The following RAD51C variants were observed in gnomAD, a reference collection of about 807,000 sequenced individuals.
The protein encoded by RAD51C is RAD51 paralog C.
RAD51C carries 42 observed loss-of-function variants against 45.0 expected under a neutral mutation model. The ratio of observed to expected loss-of-function variants is 0.93; its 90% CI spans 0.73 to 1.21. RAD51C has a LOEUF of 1.21. RAD51C is among the 50% of genes most tolerant of loss of function. The pLI, the probability that RAD51C is intolerant of heterozygous loss-of-function variation, is 0.00. For missense variants in RAD51C, 474 were observed against 452.2 expected, an observed-to-expected ratio of 1.05 and a Z score of -0.44; for synonymous variants, 172 against 159.8, an observed-to-expected ratio of 1.08 and a Z score of -0.58.
rs762060755 is a variant in RAD51C, at chr17:58,692,689, A to G, written c.46A>G (p.Ser16Gly). Residue 16 changes from serine to glycine, a missense_variant, in exon 1 of 9, where the codon AGT becomes GGT. Coordinates refer to ENST00000337432, the MANE Select transcript of RAD51C (RefSeq NM_058216.3). ...FRFEMQRDLV[S>G]FPLSPAVRVK... ...CTTTGAAATGCAGCGGGATTTGGTGAGTTTCCCGCTGTCTCCAGCGGTGCG... is the reference window on the plus strand; with the variant it reads ...CTTTGAAATGCAGCGGGATTTGGTGGGTTTCCCGCTGTCTCCAGCGGTGCG... 8.1e-6 allele frequency: 13 copies of G among 1,614,102 alleles called. No homozygotes were observed. Among genetic ancestry groups the G allele is most frequent in the Non-Finnish European group, 8.5e-6 (10 of 1,180,056 alleles).
intron 5 of RAD51C, among the ~76,000 whole-genome samples, chr17:58,711,518 T>C (rs1457587530): frequency 6.6e-6 from 1 of 152,140 alleles, no homozygotes; most frequent in Non-Finnish European, 1.5e-5. Flanking sequence ...TGAAGTGCAG[T>C]GGTACAATCA....
chr17:58,703,243 CAT>C lies in RAD51C; in HGVS notation c.622_623del (p.Ile208LeufsTer7), dbSNP rs876659497. Reference sequence around the variant, plus strand: ...TTTCACTCTTGATAATATTCTTTCTCATATTTATTATTTTCGCTGTCGTGACT... The same window carrying C: ...TTTCACTCTTGATAATATTCTTTCTCATTTATTATTTTCGCTGTCGTGACT... ...EDFTLDNILS[H>X]IYYFRCRDYT... is the part of the protein sequence containing the mutation. On this transcript the variant is annotated frameshift_variant, in exon 4 of 9. Coordinates refer to ENST00000337432, the MANE Select transcript of RAD51C (RefSeq NM_058216.3). LOFTEE classifies it high-confidence loss of function. 6.2e-7 allele frequency: 1 copy of C among 1,608,074 alleles called. No homozygotes were observed. The highest frequency in any genetic ancestry group is 1.1e-5 in the South Asian group (1 of 90,936).
At chr17:58,710,108 G>A in intron 5 of RAD51C, 118 bp downstream of exon 5, 2 of 1,174,676 alleles carry the variant, frequency 1.7e-6, no homozygotes, top group South Asian at 1.3e-5. Context: ...GCAGTTTTGA[G>A]TAAAGTTACG....
chr17:58,711,853 T>C (rs1465467264), intron 5 of RAD51C, among the ~76,000 whole-genome samples: 2 of 151,718 alleles, frequency 1.3e-5, no homozygotes, highest in Non-Finnish European at 2.9e-5. Flanking sequence ...TGCTTGAAGG[T>C]TTTTTTTCCC....
intron 7 of RAD51C, among the ~76,000 whole-genome samples, chr17:58,731,121 T>C (rs967110278): frequency 6.6e-6 from 1 of 152,250 alleles, no homozygotes; most frequent in Non-Finnish European, 1.5e-5. Context: ...ATTTTCTTCC[T>C]TAAGTCTGCA....
intron 5 of RAD51C, among the ~76,000 whole-genome samples, chr17:58,719,257 G>T (rs541518320): frequency 1.3e-5 from 2 of 152,030 alleles, no homozygotes; most frequent in African/African-American, 2.4e-5. Context: ...TTGGTCATCA[G>T]GCTGGGGTAC....
intron 5 of RAD51C, among the ~76,000 whole-genome samples, chr17:58,712,450 CAG>C (rs1424682086): frequency 2.6e-5 from 4 of 151,636 alleles, no homozygotes; most frequent in Non-Finnish European, 5.9e-5. Flanking sequence ...ATTCATTACT[CAG>C]AGATTGTGTA....
intron 7 of RAD51C, among the ~76,000 whole-genome samples, chr17:58,732,026 A>G (rs755230462): frequency 2.0e-5 from 3 of 152,192 alleles, no homozygotes; most frequent in Non-Finnish European, 4.4e-5. Flanking sequence ...AGTTTGGAAA[A>G]TATAAGCAAG....
chr17:58,705,164 A>G (rs186856553), intron 4 of RAD51C, among the ~76,000 whole-genome samples: 1 of 152,132 alleles, frequency 6.6e-6, no homozygotes, highest in Admixed American at 6.6e-5. Context: ...AATAAATACA[A>G]TAGAAATTAA....
chr17:58,711,378 C>A (rs1351792352), intron 5 of RAD51C, among the ~76,000 whole-genome samples: 1 of 152,056 alleles, frequency 6.6e-6, no homozygotes, highest in Non-Finnish European at 1.5e-5. Flanking sequence ...TTTAATGTTA[C>A]CTCAGTTTAG....
At chr17:58,718,505 C>G (rs546065692) in intron 5 of RAD51C, among the ~76,000 whole-genome samples, 42 of 152,290 alleles carry the variant, frequency 2.8e-4, no homozygotes, top group African/African-American at 7.7e-4. Context: ...TGTGTTAAGT[C>G]AGCCTTAAAC....
chr17:58,695,782 A>AG (rs2047982092), intron 2 of RAD51C, among the ~76,000 whole-genome samples: 1 of 150,618 alleles, frequency 6.6e-6, no homozygotes, highest in African/African-American at 2.4e-5. Context: ...CAAAAAAAAA[A>AG]GAGGCCGGGG....
intron 5 of RAD51C, among the ~76,000 whole-genome samples, chr17:58,714,329 A>G (rs2048658290): frequency 6.6e-6 from 1 of 152,052 alleles, no homozygotes; most frequent in Non-Finnish European, 1.5e-5. Flanking sequence ...AAAGGAATCG[A>G]TTTTTGAACA....
chr17:58,714,972 A>G (rs964169620), intron 5 of RAD51C, among the ~76,000 whole-genome samples: 2 of 152,128 alleles, frequency 1.3e-5, no homozygotes, highest in African/African-American at 4.8e-5. Context: ...CCTAAAAAAG[A>G]AACCCCAACC....
At chr17:58,707,246 T>C (rs1350831771) in intron 4 of RAD51C, among the ~76,000 whole-genome samples, 1 of 152,128 alleles carries the variant, frequency 6.6e-6, no homozygotes, top group Non-Finnish European at 1.5e-5. Context: ...TAGCCGGGCA[T>C]GGTGGCTCAC....
chr17:58,708,133 C>T (rs1040080598), intron 4 of RAD51C, among the ~76,000 whole-genome samples: 6 of 152,144 alleles, frequency 3.9e-5, no homozygotes, highest in Non-Finnish European at 8.8e-5. Context: ...TCCCAGCTGA[C>T]GTTGAACAAG....
At chr17:58,703,595 G>C (rs2048283818) in intron 4 of RAD51C, among the ~76,000 whole-genome samples, 1 of 152,136 alleles carries the variant, frequency 6.6e-6, no homozygotes, top group Non-Finnish European at 1.5e-5. Flanking sequence ...AAACCACATT[G>C]TATAGAAAGG....
Position 58,724,228 on chromosome 17 carries a change from C to T in RAD51C, c.965+128C>T. The T allele has an allele frequency of 3.5e-6, 3 of 869,056 alleles. No homozygotes were observed. The East Asian group carries it at 8.0e-5, about 23-fold the overall frequency. The allele number at this position is 869,056 out of a possible 1,614,324, so 53.8% of individuals were successfully genotyped here. On this transcript the variant is annotated intron_variant, in intron 7 of 8. Transcript: ENST00000337432. ...GACCCATGAAGTGACACTTTTGTTG[C>T]CTTGTCTGATATCACCTAGAGCAAA...
In RAD51C at chr17:58,694,907, CT is replaced by C. The variant is rs765887202; in HGVS notation, c.146-17del. The stretch of plus-strand genomic sequence containing the variant: ...CTTTTAAATCTCTAAAATTAGGGTT[CT>C]TTTTTTCTTATTTTACTTTCAGAAG... On this transcript the variant is annotated intron_variant, in intron 1 of 8. Transcript: ENST00000337432. 1.1e-5 allele frequency: 17 copies of C among 1,578,542 alleles called. 1 individual carries two copies. Among genetic ancestry groups the C allele is most frequent in the South Asian group, 2.2e-5 (2 of 90,212 alleles).
Sources: gnomAD v4.1 joint callset for allele counts (sites outside exome capture counted in the v4.1 genomes callset) on GRCh38, gnomAD v4.1.1 for gene constraint, MANE v1.5 for transcripts, NCBI Gene and HGNC (gene_info 2026-07-23, HGNC 2026-07-21) for gene names.